The following AIM2 variants were observed in gnomAD, a reference collection of about 807,000 sequenced individuals.
The protein encoded by AIM2 is absent in melanoma 2.
A neutral mutation model predicts 27.7 loss-of-function variants in AIM2; 30 were observed. That is an observed-to-expected ratio of 1.08 (90% confidence interval 0.81 to 1.47). The LOEUF (loss-of-function observed/expected upper bound fraction) is 1.47. Among genes scored for constraint, AIM2 ranks in the 40% most tolerant of loss-of-function variants. The pLI is 0.00. For synonymous variants in AIM2, 141 were observed against 145.3 expected, an observed-to-expected ratio of 0.97 and a Z score of 0.21; for missense variants, 358 against 411.3, an observed-to-expected ratio of 0.87 and a Z score of 1.12.
At chr1:159,134,136 A>G (rs1177685314) in intron 1 of AIM2, among the ~76,000 whole-genome samples, 4 of 152,184 alleles carry the variant, frequency 2.6e-5, no homozygotes, top group African/African-American at 9.7e-5. Context: ...ACCATTTCTA[A>G]TCCATCAACA....
At chr1:159,084,495 G>A (rs1359508931) in intron 1 of AIM2, among the ~76,000 whole-genome samples, 1 of 152,094 alleles carries the variant, frequency 6.6e-6, no homozygotes, top group African/African-American at 2.4e-5. Flanking sequence ...ACCCAGGCCA[G>A]GCACGGTGGC....
chr1:159,069,188 C>T (rs1440166507), intron 2 of AIM2, among the ~76,000 whole-genome samples: 1 of 151,438 alleles, frequency 6.6e-6, no homozygotes, highest in Admixed American at 6.6e-5. Flanking sequence ...AAGTAGTAGT[C>T]GTCTTAAATT....
At chr1:159,113,240 G>A (rs370620024) in intron 1 of AIM2, among the ~76,000 whole-genome samples, 7 of 152,016 alleles carry the variant, frequency 4.6e-5, no homozygotes, top group South Asian at 2.1e-4. Flanking sequence ...CACTGCACCC[G>A]GCCCAAATCT....
chr1:159,116,834 T>TA (rs879376122), intron 1 of AIM2, among the ~76,000 whole-genome samples: 119 of 139,980 alleles, frequency 8.5e-4, no homozygotes, highest in Middle Eastern at 3.6e-3. Flanking sequence ...AAAGTATAAT[T>TA]AAAAAAAAAA....
Position 159,129,069 on chromosome 1 carries a change from A to G in AIM2, c.-16+11362T>C, listed in dbSNP as rs115255262. Reference sequence around the variant, plus strand: ...GCATCTTGCAGATGTAATTAATGTAAGGATCTTGAGATGAGATCATTGTAG... The same window carrying G: ...GCATCTTGCAGATGTAATTAATGTAGGGATCTTGAGATGAGATCATTGTAG... On this transcript the variant is annotated intron_variant, in intron 1 of 2. Coordinates refer to the AIM2 transcript ENST00000368129. Among the ~76,000 whole-genome samples the G allele has an allele frequency of 2.7e-3, 417 of 152,330 alleles. 2 individuals are homozygous for G. The highest frequency in any genetic ancestry group is 9.4e-3 in the African/African-American group (392 of 41,576).
Position 159,065,931 on chromosome 1 carries a change from A to C in AIM2, c.795T>G (p.Asn265Lys). 1 of 1,611,598 alleles carries C rather than the reference A, an allele frequency of 6.2e-7. No homozygotes were observed. Among genetic ancestry groups the C allele is most frequent in the Non-Finnish European group, 8.5e-7 (1 of 1,178,716 alleles). The stretch of plus-strand genomic sequence containing the variant: ...TTACCTTCTGGACTACAAACAAACC[A>C]TTCACAATTGTTCCAAGGGGCTGAG... The part of the protein sequence containing the change: ...LQTQPLGTIV[N>K]GLFVVQKVTE... Residue 265 changes from asparagine (N) to lysine (K), a missense_variant, in exon 4 of 6, where the codon AAT becomes AAG. Coordinates refer to ENST00000368130, the MANE Select transcript of AIM2 (RefSeq NM_004833.3).
upstream of AIM2, among the ~76,000 whole-genome samples, chr1:159,077,910 T>A (rs1656671526): frequency 6.6e-6 from 1 of 152,234 alleles, no homozygotes; most frequent in Non-Finnish European, 1.5e-5. Context: ...TGAGCGGCTC[T>A]GCCAAGTCAT....
At chr1:159,056,733 A>AC in the AIM2 span, among the ~76,000 whole-genome samples, 2 of 146,472 alleles carry the variant, frequency 1.4e-5, no homozygotes, top group African/African-American at 4.9e-5. Flanking sequence ...AAAAAAAAAA[A>AC]AAAAAAAAAA....
chr1:159,094,621 C>T (rs1426326783), intron 1 of AIM2, among the ~76,000 whole-genome samples: 1 of 152,188 alleles, frequency 6.6e-6, no homozygotes, highest in African/African-American at 2.4e-5. Context: ...TCGCTTGAAA[C>T]TAGGAGGCAA....
intron 1 of AIM2, among the ~76,000 whole-genome samples, chr1:159,125,446 G>A (rs967053378): frequency 3.3e-5 from 5 of 152,152 alleles, no homozygotes; most frequent in Admixed American, 6.5e-5. Flanking sequence ...TTGAGCCTAC[G>A]TGAACTGTTA....
intron 1 of AIM2, among the ~76,000 whole-genome samples, chr1:159,132,682 C>T (rs1328860094): frequency 1.3e-5 from 2 of 152,112 alleles, no homozygotes; most frequent in East Asian, 3.9e-4. Flanking sequence ...TAGAGTAACA[C>T]CCTGTATTAT....
At chr1:159,141,568 A>G (rs1378502797), upstream of AIM2, among the ~76,000 whole-genome samples, 1 of 152,286 alleles carries the variant, frequency 6.6e-6, no homozygotes, top group Non-Finnish European at 1.5e-5. Flanking sequence ...TTATCAACCT[A>G]GCATGACAGT....
chr1:159,077,148 G>A (rs116289675), upstream of AIM2, among the ~76,000 whole-genome samples: 725 of 152,320 alleles, frequency 4.8e-3, 4 homozygotes, highest in Admixed American at 6.0e-3. Flanking sequence ...AGACCCAAGC[G>A]AAAGTATAGA....
the AIM2 span, chr1:159,055,077 T>A: frequency 3.2e-3 from 1,280 of 404,666 alleles, 20 homozygotes; most frequent in African/African-American, 0.023. Context: ...AGTTTTTTTT[T>A]AATAAAATGG....
intron 1 of AIM2, among the ~76,000 whole-genome samples, chr1:159,114,415 T>C (rs1557909586): frequency 6.6e-6 from 1 of 152,144 alleles, no homozygotes; most frequent in Non-Finnish European, 1.5e-5. Context: ...ACTAGTGTAC[T>C]TCCAGTCTTC....
In AIM2 at chr1:159,062,800, G is replaced by T. The variant is rs927429800; in HGVS notation, c.1006-82C>A. The stretch of plus-strand genomic sequence containing the variant: ...CTGTTTGCAGTCACTATGGCCTTCT[G>T]AAGTGTATGTATCATCTTCTCATAA... On this transcript the variant is annotated intron_variant, in intron 5 of 5. Transcript: ENST00000368130. 2.4e-6 allele frequency: 3 copies of T among 1,258,124 alleles called. No individual in the cohort carries two copies. The African/African-American group carries it at 4.5e-5, about 19-fold the overall frequency. The allele number at this position is 1,258,124 out of a possible 1,614,324, so 77.9% of individuals were successfully genotyped here. A position where few individuals can be genotyped will look rare whatever the true frequency, so the allele number is the denominator to read the frequency against.
the AIM2 span, among the ~76,000 whole-genome samples, chr1:159,056,717 CAAAAAAAAAAAAAAAAAA>C: frequency 2.2e-3 from 97 of 44,216 alleles, no homozygotes; most frequent in South Asian, 0.09. Flanking sequence ...GCCCAACCGG[CAAAAAAAAAAAAAAAAAA>C]AAAAAAAAAA....
intron 1 of AIM2, among the ~76,000 whole-genome samples, chr1:159,110,837 A>G (rs1456548007): frequency 6.6e-6 from 1 of 152,192 alleles, no homozygotes; most frequent in Non-Finnish European, 1.5e-5. Flanking sequence ...ATCTGTTCAC[A>G]TTCCTCTCTT....
chr1:159,119,022 G>T (rs1247945477), intron 1 of AIM2, among the ~76,000 whole-genome samples: 1 of 152,056 alleles, frequency 6.6e-6, no homozygotes, highest in Non-Finnish European at 1.5e-5. Context: ...CCCTAGTTTG[G>T]CATTACATAT....
Sources: allele counts gnomAD v4.1 joint callset (sites outside exome capture counted in the v4.1 genomes callset), GRCh38; gene constraint gnomAD v4.1.1; transcripts MANE v1.5; gene names NCBI Gene and HGNC (gene_info 2026-07-23, HGNC 2026-07-21).